TDRD9: variants seen among roughly 807,000 people sequenced by gnomAD.
TDRD9 encodes tudor domain containing 9.
TDRD9 carries 124 observed loss-of-function variants against 172.6 expected under a neutral mutation model. The ratio of observed to expected loss-of-function variants is 0.72; its 90% confidence interval spans 0.62 to 0.83. TDRD9 has a LOEUF of 0.83. Ranked by LOEUF, TDRD9 falls within the 40% of genes least tolerant of loss-of-function variation. TDRD9 has a pLI of 0.00. For synonymous variants in TDRD9, 619 were observed against 617.1 expected (o/e 1.00, Z -0.05); for missense variants, 1,479 against 1,714.1 (o/e 0.86, Z 2.42).
At chr14:104,015,134 T>C (rs1566784594) in intron 21 of TDRD9, among the ~76,000 whole-genome samples, 1 of 152,230 alleles carries the variant, frequency 6.6e-6, no homozygotes, top group Admixed American at 6.5e-5. Flanking sequence ...AGTACCTGTG[T>C]TATCACTGCT....
chr14:103,936,292 A>G (rs765048469), intron 1 of TDRD9, among the ~76,000 whole-genome samples: 6 of 152,132 alleles, frequency 3.9e-5, no homozygotes, highest in South Asian at 2.1e-4. Flanking sequence ...GGATTTCACT[A>G]TGTTACCCAG....
intron 34 of TDRD9, among the ~76,000 whole-genome samples, chr14:104,044,447 TC>T (rs1447439092): frequency 6.6e-6 from 1 of 152,330 alleles, no homozygotes; most frequent in Admixed American, 6.5e-5. Flanking sequence ...GATCGAAAGT[TC>T]CCCCTGTCCA....
intron 1 of TDRD9, among the ~76,000 whole-genome samples, chr14:103,929,951 A>C (rs1480541544): frequency 6.6e-6 from 1 of 152,236 alleles, no homozygotes; most frequent in Non-Finnish European, 1.5e-5. Flanking sequence ...TTCTTTAAGT[A>C]GCTACCATCA....
chr14:104,032,457 G>A (rs1235165242), intron 30 of TDRD9, among the ~76,000 whole-genome samples: 6 of 152,032 alleles, frequency 3.9e-5, no homozygotes, highest in African/African-American at 9.7e-5. Flanking sequence ...CACCTGCCTC[G>A]GCCTCCCAAA....
chr14:104,007,138 A>G (rs1216096225), intron 18 of TDRD9, 22 bp from the exon 19 acceptor site: 40 of 1,608,364 alleles, frequency 2.5e-5, no homozygotes, highest in Non-Finnish European at 3.4e-5. Flanking sequence ...TTATTTTGAA[A>G]GTTTGGATCC....
intron 28 of TDRD9, among the ~76,000 whole-genome samples, chr14:104,028,978 T>A (rs1033872644): frequency 6.6e-6 from 1 of 152,230 alleles, no homozygotes; most frequent in African/African-American, 2.4e-5. Context: ...TTGTTGAAAA[T>A]CAGTTGCCTG....
chr14:104,012,042 G>A (rs1250710518), intron 20 of TDRD9, among the ~76,000 whole-genome samples: 1 of 152,202 alleles, frequency 6.6e-6, no homozygotes, highest in East Asian at 1.9e-4. Context: ...CAGGCATGAA[G>A]TATTGCAACC....
Position 104,034,059 on chromosome 14 carries a change from C to A in TDRD9, c.3609C>A (p.Ile1203=). The A allele has an allele frequency of 6.5e-7, 1 of 1,546,956 alleles. No homozygotes were observed. The highest frequency in any genetic ancestry group is 8.8e-7 in the Non-Finnish European group (1 of 1,142,700). ...TGCTGGTTGCAGCTTCCCTTTCCAT[C>A]AATGCGACTGGTAATTTAAAGATCC... The part of the protein sequence containing the change: ...QRMLVAASLS[I]NATGSTMLLR... Residue 1203 remains isoleucine, a synonymous_variant, in exon 31 of 36, where the codon ATC becomes ATA. Coordinates refer to ENST00000409874, the MANE Select transcript of TDRD9 (RefSeq NM_153046.3).
chr14:104,034,755 C>T (rs528325665), intron 31 of TDRD9, among the ~76,000 whole-genome samples: 85 of 152,320 alleles, frequency 5.6e-4, no homozygotes, highest in Non-Finnish European at 9.0e-4. Context: ...TAAAAGCTTA[C>T]GCATCATAGC....
At chr14:104,002,585 C>T (rs1338366970) in intron 13 of TDRD9, among the ~76,000 whole-genome samples, 1 of 152,138 alleles carries the variant, frequency 6.6e-6, no homozygotes, top group Non-Finnish European at 1.5e-5. Flanking sequence ...CTTTGATTGG[C>T]TGAAACCCGG....
intron 1 of TDRD9, chr14:103,942,379 G>A (rs1424838249): frequency 4.6e-5 from 7 of 152,162 alleles, no homozygotes; most frequent in Non-Finnish European, 7.3e-5. Flanking sequence ...TTATATAATG[G>A]TCTGCCTTTT....
chr14:103,945,506 A>G (rs1300557393), intron 1 of TDRD9: 1 of 152,026 alleles, frequency 6.6e-6, no homozygotes, highest in Non-Finnish European at 1.5e-5. Context: ...GATAGAGAAC[A>G]TAAATATTTG....
Position 103,975,422 on chromosome 14 carries a change from G to A in TDRD9, c.880G>A (p.Glu294Lys). The part of the protein sequence containing the change: ...VLMSATISCK[E>K]FADYFAVPVQ... ...GATGTCGGCTACCATCAGCTGTAAA[G>A]AGTTTGCAGACTACTTTGCTGTTCC... The change falls in exon 7 of 36, where the codon GAG (glutamate) becomes AAG (lysine). Residue 294 changes from glutamate to lysine, a missense_variant. Coordinates refer to ENST00000409874, the MANE Select transcript of TDRD9 (RefSeq NM_153046.3). The A allele has an allele frequency of 6.2e-7, 1 of 1,613,906 alleles. No individual in the cohort carries two copies. Among genetic ancestry groups the A allele is most frequent in the Non-Finnish European group, 8.5e-7 (1 of 1,179,846 alleles).
chr14:103,932,581 G>T (rs1259238506), intron 1 of TDRD9, among the ~76,000 whole-genome samples: 1 of 152,038 alleles, frequency 6.6e-6, no homozygotes, highest in African/African-American at 2.4e-5. Context: ...TAGAGACGGG[G>T]TTTCACCGTG....
intron 1 of TDRD9, among the ~76,000 whole-genome samples, chr14:103,935,090 T>G (rs1292810003): frequency 6.6e-6 from 1 of 152,212 alleles, no homozygotes; most frequent in African/African-American, 2.4e-5. Context: ...GGACTCGGAC[T>G]GCAACCCTTT....
intron 2 of TDRD9, among the ~76,000 whole-genome samples, chr14:103,962,289 G>T (rs1463386902): frequency 6.6e-6 from 1 of 152,180 alleles, no homozygotes; most frequent in Non-Finnish European, 1.5e-5. Context: ...GATGCATTCT[G>T]TTGAAATTTC....
chr14:103,948,463 A>C (rs2031689801), intron 1 of TDRD9, among the ~76,000 whole-genome samples: 1 of 152,140 alleles, frequency 6.6e-6, no homozygotes, highest in African/African-American at 2.4e-5. Context: ...AAATAGAATT[A>C]CTATATGATC....
rs1239360899 is a variant in TDRD9 at position 104,052,073 on chromosome 14, C to T, written c.4140C>T (p.Leu1380=). 14 of 1,571,694 alleles carry T rather than the reference C, an allele frequency of 8.9e-6. No homozygotes were observed. In the East Asian group the frequency reaches 9.4e-5, roughly 11 times the overall value. The change falls in exon 36 of 36, where the codon CTC becomes CTT. Residue 1380 remains leucine (L), a synonymous_variant. Transcript: ENST00000409874. ...FLYQLHKLVV[L]GT is the part of the protein sequence containing the mutation. ...ACCAGCTCCACAAACTGGTTGTGCT[C>T]GGCACCTGAGCATGTCCACAGGTGG...
At chr14:104,017,952 A>G in intron 22 of TDRD9, 140 bp from the exon 23 acceptor site, 2 of 603,302 alleles carry the variant, frequency 3.3e-6, no homozygotes, top group South Asian at 4.2e-5. Context: ...ACTGATCTGT[A>G]GAGTTTATAT....
Sources: allele counts gnomAD v4.1 joint callset (sites outside exome capture counted in the v4.1 genomes callset), GRCh38; gene constraint gnomAD v4.1.1; transcripts MANE v1.5; gene names NCBI Gene and HGNC (gene_info 2026-07-23, HGNC 2026-07-21).